The following TBX4 variants were observed in gnomAD, a reference collection of about 807,000 sequenced individuals.
TBX4 encodes T-box transcription factor TBX4.
Under a neutral mutation model 54.6 loss-of-function variants are expected in TBX4, and 13 were observed. The observed-to-expected ratio is 0.24, with a 90% CI of 0.15 to 0.38. The LOEUF (loss-of-function observed/expected upper bound fraction) is 0.38. TBX4 is among the 10% of genes least tolerant of loss of function. The pLI is 1.00. For missense variants in TBX4, 631 were observed against 728.5 expected (o/e 0.87, Z 1.54); for synonymous variants, 314 against 306.7 (o/e 1.02, Z -0.25).
At chr17:61,456,450 G>T in intron 1 of TBX4, 38 bp from the exon 2 acceptor site, 1 of 1,549,270 alleles carries the variant, frequency 6.5e-7, no homozygotes, top group South Asian at 1.2e-5. Context: ...GGCGAGTGTG[G>T]ACCTGGGCGA....
At chr17:61,456,364 G>T (rs951670338) in intron 1 of TBX4, 124 bp from the exon 2 acceptor site, 37 of 1,313,860 alleles carry the variant, frequency 2.8e-5, no homozygotes, top group Non-Finnish European at 3.7e-5. Flanking sequence ...GAGGGGGCGG[G>T]GTCCACGTGC....
Position 61,479,780 on chromosome 17 carries a change from G to A in TBX4, c.703-101G>A, listed in dbSNP as rs2060650247. Reference sequence around the variant, plus strand: ...GCGGTGAGGCTGGAGAGCGACCCCTGAGGGAGGGAGGTTACATGTTATGAT... The same window carrying A: ...GCGGTGAGGCTGGAGAGCGACCCCTAAGGGAGGGAGGTTACATGTTATGAT... On this transcript the variant is annotated intron_variant, in intron 6 of 8. Transcript: ENST00000644296. This position sits in a 1 kb window ranked among gnomAD's most constrained non-coding sequence, Gnocchi z 6.1. 1.6e-6 allele frequency: 2 copies of A among 1,244,276 alleles called. No homozygotes were observed. The highest frequency in any genetic ancestry group is 3.4e-5 in the Admixed American group (2 of 59,052). The allele number at this position is 1,244,276 out of a possible 1,614,324, so 77.1% of individuals were successfully genotyped here.
At position 61,484,555 on chromosome 17, in the gene TBX4, C is replaced by T. The variant is rs913903441; in HGVS notation, c.*1039C>T. The T allele has an allele frequency of 1.3e-5, 2 of 152,122 alleles. No homozygotes were observed. The highest frequency in any genetic ancestry group is 2.9e-5 in the Non-Finnish European group (2 of 68,022). The allele number at this position is 152,122 out of a possible 1,614,324, so 9.4% of individuals were successfully genotyped here. A position where few individuals can be genotyped will look rare whatever the true frequency, so the allele number is the denominator to read the frequency against. On this transcript the variant is annotated 3_prime_UTR_variant, in exon 9 of 9. Coordinates refer to ENST00000644296, the MANE Select transcript of TBX4 (RefSeq NM_001321120.2). This position sits in a 1 kb window ranked among gnomAD's most constrained non-coding sequence, Gnocchi z 4.1. ...AAAGATAGTTGAAAAAAATTTGTTT[C>T]TTCCAGTAAATTCAGCCGGTGAGCT...
At position 61,483,263 on chromosome 17, in the gene TBX4, G is replaced by A. The variant is rs868736565; in HGVS notation, c.1388G>A (p.Ser463Asn). ...MPRLPTLSAQ[S>N]SQPPGNAHFS... is the part of the protein sequence containing the mutation. ...CGGCTGCCCACCCTCTCCGCTCAGAGCTCCCAGCCACCAGGAAATGCCCAC... is the reference window on the plus strand; with the variant it reads ...CGGCTGCCCACCCTCTCCGCTCAGAACTCCCAGCCACCAGGAAATGCCCAC... The change falls in exon 9 of 9, where the codon AGC (serine) becomes AAC (asparagine). Residue 463 changes from serine to asparagine, a missense_variant. Ser to Asn is a conservative substitution (Grantham distance 46). Transcript: ENST00000644296. The surrounding 1 kb of genome is among the most constrained non-coding windows in gnomAD (Gnocchi z 6.6). 6.2e-7 allele frequency: 1 copy of A among 1,614,114 alleles called. No individual in the cohort carries two copies.
At position 61,483,960 on chromosome 17, in the gene TBX4, C is replaced by T. The variant is rs2060686302; in HGVS notation, c.*444C>T. On this transcript the variant is annotated 3_prime_UTR_variant, in exon 9 of 9. Coordinates refer to ENST00000644296, the MANE Select transcript of TBX4 (RefSeq NM_001321120.2). This position sits in a 1 kb window ranked among gnomAD's most constrained non-coding sequence, Gnocchi z 6.6. ...GCTGCTGGGGTGTGAGGACTCTGTG[C>T]ACACCTTAGAGTTCCTGGCCTTCTC... is the stretch of plus-strand genomic sequence containing the variant. 4.7e-6 allele frequency: 1 copy of T among 215,010 alleles called. No homozygotes were observed. 13.3% of individuals were successfully genotyped at this position (215,010 alleles called of 1,614,324 possible). A position where few individuals can be genotyped will look rare whatever the true frequency, so the allele number is the denominator to read the frequency against.
chr17:61,483,672 A>C lies in TBX4; in HGVS notation c.*156A>C. On this transcript the variant is annotated 3_prime_UTR_variant, in exon 9 of 9. Coordinates refer to ENST00000644296, the MANE Select transcript of TBX4 (RefSeq NM_001321120.2). The surrounding 1 kb of genome is among the most constrained non-coding windows in gnomAD (Gnocchi z 6.6). Reference sequence around the variant, plus strand: ...TGTGTGTATACACGAGCATGTATGTATTTGGAGAGCATCCATCTTCTGACA... The same window carrying C: ...TGTGTGTATACACGAGCATGTATGTCTTTGGAGAGCATCCATCTTCTGACA... 25 of 897,396 alleles carry C rather than the reference A, an allele frequency of 2.8e-5. No homozygotes were observed. The South Asian group carries it at 3.9e-4, about 14-fold the overall frequency. The allele number at this position is 897,396 out of a possible 1,614,324, so 55.6% of individuals were successfully genotyped here.
At chr17:61,468,534 T>C (rs2060552624) in intron 5 of TBX4, among the ~76,000 whole-genome samples, 1 of 152,170 alleles carries the variant, frequency 6.6e-6, no homozygotes, top group Non-Finnish European at 1.5e-5. Flanking sequence ...TGTCCCGCTT[T>C]TACGTCCCAG....
intron 5 of TBX4, among the ~76,000 whole-genome samples, chr17:61,469,334 G>A (rs968917531): frequency 5.3e-5 from 8 of 152,194 alleles, no homozygotes; most frequent in African/African-American, 1.9e-4. Flanking sequence ...AGTGGTTTGT[G>A]ATAAACTGCA....
Position 61,465,688 on chromosome 17 carries a change from C to CTG in TBX4, c.282-128_282-127dup. On this transcript the variant is annotated intron_variant, in intron 3 of 8. Coordinates refer to ENST00000644296, the MANE Select transcript of TBX4 (RefSeq NM_001321120.2). The surrounding 1 kb of genome is among the most constrained non-coding windows in gnomAD (Gnocchi z 4.9). The stretch of plus-strand genomic sequence containing the variant: ...GAAGTGAGTTGTGCAGGTCACACAG[C>CTG]TGTGACCAATGCCAGGATCGCTGGC... 1 of 1,208,318 alleles carries CTG rather than the reference C, an allele frequency of 8.3e-7. No individual in the cohort carries two copies. Among genetic ancestry groups the CTG allele is most frequent in the Non-Finnish European group, 1.2e-6 (1 of 829,048 alleles). 74.8% of individuals were successfully genotyped at this position (1,208,318 alleles called of 1,614,324 possible).
At position 61,461,014 on chromosome 17, in the gene TBX4, C is replaced by T. The variant is rs1163678970; in HGVS notation, c.281+3383C>T. The stretch of plus-strand genomic sequence containing the variant: ...AATTGCCCTCACTCTGTATACAGAG[C>T]GTCAGAGCCCAGTGGCGTGGATGAT... On this transcript the variant is annotated intron_variant, in intron 3 of 8. Transcript: ENST00000644296. This position sits in a 1 kb window ranked among gnomAD's most constrained non-coding sequence, Gnocchi z 5.1. 2.0e-5 allele frequency among the ~76,000 whole-genome samples: 3 copies of T among 152,176 alleles called. No individual in the cohort carries two copies. The highest frequency in any genetic ancestry group is 6.5e-5 in the Admixed American group (1 of 15,282).
Position 61,457,443 on chromosome 17 carries a change from C to A in TBX4, c.187-94C>A. On this transcript the variant is annotated intron_variant, in intron 2 of 8. Transcript: ENST00000644296. This position sits in a 1 kb window ranked among gnomAD's most constrained non-coding sequence, Gnocchi z 8.2. ...CCATGGGCTCCGGGCGGGCAGGGTT[C>A]CGCACAGCTCTTCGGGTCTGGTTCT... is the stretch of plus-strand genomic sequence containing the variant. The A allele has an allele frequency of 1.6e-6, 2 of 1,218,016 alleles. No homozygotes were observed. Among genetic ancestry groups the A allele is most frequent in the Admixed American group, 1.7e-5 (1 of 58,810 alleles). The allele number at this position is 1,218,016 out of a possible 1,614,324, so 75.5% of individuals were successfully genotyped here. A position where few individuals can be genotyped will look rare whatever the true frequency, so the allele number is the denominator to read the frequency against.
chr17:61,473,916 C>A (rs1413312682), intron 5 of TBX4, among the ~76,000 whole-genome samples: 7 of 152,210 alleles, frequency 4.6e-5, no homozygotes, highest in Non-Finnish European at 8.8e-5. Context: ...CCCACGGTAC[C>A]ACCCCAGTGT....
chr17:61,484,184 G>A lies in TBX4; in HGVS notation c.*668G>A, dbSNP rs889646461. On this transcript the variant is annotated 3_prime_UTR_variant, in exon 9 of 9. Coordinates refer to ENST00000644296, the MANE Select transcript of TBX4 (RefSeq NM_001321120.2). This position sits in a 1 kb window ranked among gnomAD's most constrained non-coding sequence, Gnocchi z 4.1. ...GTCTGAGGGATGACGTTCGGAAAGG[G>A]TCATGGGCTAAATGTCACCTGAGGG... 1 of 152,432 alleles carries A rather than the reference G, an allele frequency of 6.6e-6. No individual in the cohort carries two copies. Among genetic ancestry groups the A allele is most frequent in the Non-Finnish European group, 1.5e-5 (1 of 68,310 alleles). The allele number at this position is 152,432 out of a possible 1,614,324, so 9.4% of individuals were successfully genotyped here.
rs538844273 is a variant in TBX4, at chr17:61,457,802, C to G, written c.281+171C>G. Among the ~76,000 whole-genome samples the G allele has an allele frequency of 2.6e-5, 4 of 152,320 alleles. No individual in the cohort carries two copies. Among genetic ancestry groups the G allele is most frequent in the South Asian group, 4.1e-4 (2 of 4,832 alleles). ...AGCTTGGGACTGGGCCGCCAAAGCC[C>G]GCAGGGGGCCACCGCAGCCGCGCGG... is the stretch of plus-strand genomic sequence containing the variant. On this transcript the variant is annotated intron_variant, in intron 3 of 8. Transcript: ENST00000644296. The surrounding 1 kb of genome is among the most constrained non-coding windows in gnomAD (Gnocchi z 8.2).
rs962930086 is a variant in TBX4, at chr17:61,476,968, A to C, written c.550-1659A>C. ...ACTAAGACTTTGGCCAAGGTTTGCCATAAAAGAGCCTGACTCTGGCCTTTC... is the reference window on the plus strand; with the variant it reads ...ACTAAGACTTTGGCCAAGGTTTGCCCTAAAAGAGCCTGACTCTGGCCTTTC... On this transcript the variant is annotated intron_variant, in intron 5 of 8. Transcript: ENST00000644296. The surrounding 1 kb of genome is among the most constrained non-coding windows in gnomAD (Gnocchi z 6.5). 3.9e-5 allele frequency among the ~76,000 whole-genome samples: 6 copies of C among 152,252 alleles called. No homozygotes were observed. The highest frequency in any genetic ancestry group is 1.4e-4 in the African/African-American group (6 of 41,470).
intron 1 of TBX4, among the ~76,000 whole-genome samples, chr17:61,453,584 A>G (rs1244812205): frequency 2.0e-5 from 3 of 152,206 alleles, no homozygotes; most frequent in East Asian, 1.9e-4. Flanking sequence ...GTTGAGTAAT[A>G]AGAAGTATTG....
chr17:61,467,570 T>A lies in TBX4; in HGVS notation c.462T>A (p.Ser154=). 4 of 1,613,724 alleles carry A rather than the reference T, an allele frequency of 2.5e-6. No homozygotes were observed. Among genetic ancestry groups the A allele is most frequent in the Non-Finnish European group, 3.4e-6 (4 of 1,180,014 alleles). Reference sequence around the variant, plus strand: ...GAAGGCTGTATGTCCACCCGGATTCTCCTGCCACAGGAGCCCACTGGATGC... The same window carrying A: ...GAAGGCTGTATGTCCACCCGGATTCACCTGCCACAGGAGCCCACTGGATGC... ...MPGRLYVHPD[S]PATGAHWMRQ... The change falls in exon 5 of 9, where the codon TCT becomes TCA. Residue 154 remains serine (S), a synonymous_variant. Transcript: ENST00000644296.
At position 61,484,766 on chromosome 17, in the gene TBX4, T is replaced by A. The variant is rs1241178839; in HGVS notation, c.*1250T>A. 2.1e-5 allele frequency: 3 copies of A among 146,304 alleles called. No individual in the cohort carries two copies. The highest frequency in any genetic ancestry group is 3.0e-5 in the Non-Finnish European group (2 of 66,408). 9.1% of individuals were successfully genotyped at this position (146,304 alleles called of 1,614,324 possible). A position where few individuals can be genotyped will look rare whatever the true frequency, so the allele number is the denominator to read the frequency against. ...TATATAAATAAATAAATATATATAT[T>A]ATATATCGCTCTCTCTCACAAATGC... is the stretch of plus-strand genomic sequence containing the variant. On this transcript the variant is annotated 3_prime_UTR_variant, in exon 9 of 9. Coordinates refer to ENST00000644296, the MANE Select transcript of TBX4 (RefSeq NM_001321120.2). The surrounding 1 kb of genome is among the most constrained non-coding windows in gnomAD (Gnocchi z 4.1).
rs1407782555 is a variant in TBX4, at chr17:61,460,597, G to A, written c.281+2966G>A. ...TCCGCAGCCCGTCTCAGTCTCTTGG[G>A]TCTCTGTGTCCAGAGGGTTCGTGCT... On this transcript the variant is annotated intron_variant, in intron 3 of 8. Coordinates refer to ENST00000644296, the MANE Select transcript of TBX4 (RefSeq NM_001321120.2). The surrounding 1 kb of genome is among the most constrained non-coding windows in gnomAD (Gnocchi z 4.4). 6.6e-6 allele frequency among the ~76,000 whole-genome samples: 1 copy of A among 152,138 alleles called. No individual in the cohort carries two copies. Among genetic ancestry groups the A allele is most frequent in the East Asian group, 1.9e-4 (1 of 5,196 alleles).
Sources: allele counts gnomAD v4.1 joint callset (sites outside exome capture counted in the v4.1 genomes callset), GRCh38; gene constraint gnomAD v4.1.1; non-coding constraint Gnocchi (gnomAD v3.1); transcripts MANE v1.5; gene names NCBI Gene and HGNC (gene_info 2026-07-23, HGNC 2026-07-21).